The following VSTM4 variants were observed in gnomAD, a reference collection of about 807,000 sequenced individuals.
VSTM4 encodes V-set and transmembrane domain containing 4.
Under a neutral mutation model 36.4 loss-of-function variants are expected in VSTM4, and 20 were observed. That is an observed-to-expected ratio of 0.55 (90% confidence interval 0.39 to 0.80). The LOEUF (loss-of-function observed/expected upper bound fraction) is 0.80. Among genes scored for constraint, VSTM4 ranks in the 30% least tolerant of loss-of-function variants. The pLI, the probability that VSTM4 is intolerant of heterozygous loss-of-function variation, is 0.00. For synonymous variants in VSTM4, 182 were observed against 173.9 expected (o/e 1.05, Z -0.37); for missense variants, 392 against 404.5 (o/e 0.97, Z 0.26).
chr10:49,029,550 C>T (rs370522314), intron 7 of VSTM4, among the ~76,000 whole-genome samples: 2 of 152,142 alleles, frequency 1.3e-5, no homozygotes, highest in South Asian at 2.1e-4. Flanking sequence ...CCCAGATGCT[C>T]GTGGGCAGTC....
At chr10:49,033,300 A>C (rs1450720882) in intron 7 of VSTM4, among the ~76,000 whole-genome samples, 5 of 152,234 alleles carry the variant, frequency 3.3e-5, no homozygotes. Context: ...AACACTGTGT[A>C]AAGAATCATT....
chr10:49,019,377 T>A lies in VSTM4; in HGVS notation c.*273A>T, dbSNP rs1345100002. Reference sequence around the variant, plus strand: ...TGAAGGGGTTTGGCTCAGCAGAAAATCTCCTTGGCTGCTCTCAGGATCAGA... The same window carrying A: ...TGAAGGGGTTTGGCTCAGCAGAAAAACTCCTTGGCTGCTCTCAGGATCAGA... On this transcript the variant is annotated 3_prime_UTR_variant, in exon 8 of 8. Transcript: ENST00000332853. The A allele has an allele frequency of 3.4e-6, 1 of 290,530 alleles. No homozygotes were observed. 18.0% of individuals were successfully genotyped at this position (290,530 alleles called of 1,614,324 possible).
intron 4 of VSTM4, among the ~76,000 whole-genome samples, chr10:49,069,628 C>A (rs984026416): frequency 2.0e-5 from 3 of 152,214 alleles, no homozygotes; most frequent in Non-Finnish European, 2.9e-5. Context: ...ATGTCAGGCC[C>A]CAGAGCCCAG....
chr10:49,102,302 AATTTTTGT>A (rs1844682386), intron 2 of VSTM4: 2 of 614,916 alleles, frequency 3.3e-6, no homozygotes, highest in African/African-American at 4.0e-5. Flanking sequence ...ACACCTGGCT[AATTTTTGT>A]ATTTTTGTAG....
intron 7 of VSTM4, among the ~76,000 whole-genome samples, chr10:49,045,147 C>T (rs1435308504): frequency 1.3e-5 from 2 of 152,164 alleles, no homozygotes; most frequent in African/African-American, 4.8e-5. Context: ...CCTTGCACTC[C>T]GCCCTCAAGA....
intron 4 of VSTM4, among the ~76,000 whole-genome samples, chr10:49,070,252 C>CAAAA (rs780515012): frequency 0.018 from 397 of 21,720 alleles, 92 homozygotes; most frequent in African/African-American, 0.062. Flanking sequence ...GACTCCGTCT[C>CAAAA]AAAAAAAAAA....
intron 2 of VSTM4, among the ~76,000 whole-genome samples, chr10:49,097,052 C>T (rs973730396): frequency 1.3e-5 from 2 of 152,106 alleles, no homozygotes; most frequent in Non-Finnish European, 2.9e-5. Context: ...CCTGTGAACA[C>T]CAGCAGCACA....
chr10:49,105,217 G>C (rs998693458), intron 2 of VSTM4, among the ~76,000 whole-genome samples: 7 of 146,944 alleles, frequency 4.8e-5, no homozygotes, highest in Admixed American at 1.4e-4. Context: ...GAGAGACAGA[G>C]AGAGAGAGAG....
chr10:49,062,120 T>C (rs1192968171), intron 5 of VSTM4, among the ~76,000 whole-genome samples: 2 of 152,234 alleles, frequency 1.3e-5, no homozygotes, highest in Admixed American at 6.5e-5. Context: ...ACTTTTGACT[T>C]CTATTTAGGT....
At chr10:49,043,251 G>T (rs1343926307) in intron 7 of VSTM4, among the ~76,000 whole-genome samples, 1 of 152,142 alleles carries the variant, frequency 6.6e-6, no homozygotes, top group South Asian at 2.1e-4. Flanking sequence ...AAAAATAATA[G>T]AAAATATTTA....
intron 7 of VSTM4, among the ~76,000 whole-genome samples, chr10:49,044,739 T>C (rs1423313599): frequency 1.3e-5 from 2 of 152,120 alleles, no homozygotes; most frequent in Non-Finnish European, 2.9e-5. Context: ...ATCCATTCCT[T>C]CATGTTGGTG....
At chr10:49,101,540 G>A (rs944499417) in intron 2 of VSTM4, among the ~76,000 whole-genome samples, 2 of 152,028 alleles carry the variant, frequency 1.3e-5, no homozygotes, top group Non-Finnish European at 2.9e-5. Context: ...TATAATAATC[G>A]AAATTAAAAC....
intron 7 of VSTM4, among the ~76,000 whole-genome samples, chr10:49,043,032 G>C (rs947975225): frequency 1.3e-5 from 2 of 152,162 alleles, no homozygotes; most frequent in Admixed American, 1.3e-4. Flanking sequence ...GATTAGCAAG[G>C]AGGCCAGTGT....
At chr10:49,084,396 T>C (rs1214236771) in intron 3 of VSTM4, among the ~76,000 whole-genome samples, 1 of 152,168 alleles carries the variant, frequency 6.6e-6, no homozygotes, top group African/African-American at 2.4e-5. Flanking sequence ...ACAAAACAAT[T>C]AATCCTAGAG....
intron 2 of VSTM4, 75 bp downstream of exon 2, chr10:49,107,519 T>C (rs1844803921): frequency 1.3e-6 from 2 of 1,518,494 alleles, no homozygotes; most frequent in Non-Finnish European, 1.8e-6. Flanking sequence ...CGGGAGCCCC[T>C]GGGTGGTGGC....
intron 2 of VSTM4, among the ~76,000 whole-genome samples, chr10:49,100,101 T>A (rs1844641256): frequency 6.6e-6 from 1 of 152,150 alleles, no homozygotes. Context: ...ATCCCAGTTG[T>A]TTTTTTGATA....
Position 49,107,739 on chromosome 10 carries a change from C to A in VSTM4, c.312G>T (p.Glu104Asp), listed in dbSNP as rs141990292. The A allele has an allele frequency of 1.9e-6, 3 of 1,614,100 alleles. No individual in the cohort carries two copies. The African/African-American group carries it at 4.0e-5, about 22-fold the overall frequency. The stretch of plus-strand genomic sequence containing the variant: ...AGAGCCTGTAGAGCGCCCCCCGCTG[C>A]TCCTCCAGCAGGCGCAGCCTCCGCC... ...AKRRRLRLLE[E>D]QRGALYRLSV... Residue 104 changes from glutamate (E) to aspartate (D), a missense_variant, in exon 2 of 8, where the codon GAG (glutamate) becomes GAT (aspartate). Transcript: ENST00000332853.
chr10:49,030,032 A>G lies in VSTM4; in HGVS notation c.838-10257T>C, dbSNP rs185023719. Among the ~76,000 whole-genome samples, 304 of 152,350 alleles carry G rather than the reference A, an allele frequency of 2.0e-3. 1 individual carries two copies. The highest frequency in any genetic ancestry group is 6.7e-3 in the African/African-American group (280 of 41,584). On this transcript the variant is annotated intron_variant, in intron 7 of 7. Coordinates refer to ENST00000332853, the MANE Select transcript of VSTM4 (RefSeq NM_001031746.5). ...CCTCTGGGTGGCATGGGATGCAGCC[A>G]CAAGGCTGCAAGGCTCTGCTTGGGC...
chr10:49,086,790 T>G (rs776422209), intron 2 of VSTM4, among the ~76,000 whole-genome samples: 1 of 152,246 alleles, frequency 6.6e-6, no homozygotes, highest in African/African-American at 2.4e-5. Flanking sequence ...CAGCAGCCAC[T>G]GGACACATGT....
Sources: gnomAD v4.1 joint callset for allele counts (sites outside exome capture counted in the v4.1 genomes callset) on GRCh38, gnomAD v4.1.1 for gene constraint, MANE v1.5 for transcripts, NCBI Gene and HGNC (gene_info 2026-07-23, HGNC 2026-07-21) for gene names.